Variants in DCC observed in about 807,000 individuals in gnomAD.
The protein encoded by DCC is DCC netrin 1 receptor.
In DCC, 58 loss-of-function variants were observed where a neutral mutation model predicts 172.5. The observed-to-expected ratio is 0.34, with a 90% CI of 0.27 to 0.42. DCC has a LOEUF of 0.42. DCC is among the 10% of genes least tolerant of loss of function. The pLI is 1.00. For missense variants in DCC, 1,740 were observed against 1,791.0 expected (o/e 0.97, Z 0.51); for synonymous variants, 709 against 644.5 (o/e 1.10, Z -1.52).
intron 1 of DCC, among the ~76,000 whole-genome samples, chr18:52,498,595 G>A (rs373933056): frequency 9.2e-5 from 14 of 152,230 alleles, no homozygotes; most frequent in Admixed American, 2.6e-4. Flanking sequence ...CTGCACTCCA[G>A]CCTGGGACAC....
rs553478013 is a variant in DCC, at chr18:52,490,347, G to GT, written c.91+149476dup. ...ATAGCCAGAAAGCAGGTAAGAAAGT[G>GT]TTTTTTTCTTTCTTATTCACTTGTT... On this transcript the variant is annotated intron_variant, in intron 1 of 28. Transcript: ENST00000442544. Among the ~76,000 whole-genome samples, 21 of 152,090 alleles carry GT rather than the reference G, an allele frequency of 1.4e-4. No individual in the cohort carries two copies. The East Asian group carries it at 2.7e-3, about 20-fold the overall frequency.
intron 23 of DCC, among the ~76,000 whole-genome samples, chr18:53,454,953 A>C (rs1180930091): frequency 6.6e-6 from 1 of 152,188 alleles, no homozygotes; most frequent in African/African-American, 2.4e-5. Flanking sequence ...CTGGGTTTCT[A>C]ATACAAATTT....
intron 14 of DCC, among the ~76,000 whole-genome samples, chr18:53,338,725 T>C (rs2057619286): frequency 6.6e-6 from 1 of 152,192 alleles, no homozygotes; most frequent in African/African-American, 2.4e-5. Context: ...AACATATTAA[T>C]TTTCAACACA....
intron 1 of DCC, among the ~76,000 whole-genome samples, chr18:52,647,020 C>T (rs934023349): frequency 6.6e-6 from 1 of 152,194 alleles, no homozygotes; most frequent in Non-Finnish European, 1.5e-5. Context: ...AGTCCTTTCA[C>T]TCAGGAAATT....
intron 1 of DCC, among the ~76,000 whole-genome samples, chr18:52,617,249 A>C (rs2034400421): frequency 6.6e-6 from 1 of 152,166 alleles, no homozygotes; most frequent in African/African-American, 2.4e-5. Flanking sequence ...ATTAAAAACA[A>C]AATAAAACTT....
rs557272562 is a variant in DCC at position 52,733,173 on chromosome 18, G to C, written c.92-18881G>C. On this transcript the variant is annotated intron_variant, in intron 1 of 28. Transcript: ENST00000442544. ...TGTGAGTTAGTTACTGAATGTGATG[G>C]AGAAGGGTTCTCTCCTGTGATCCTA... Among the ~76,000 whole-genome samples, 3 of 152,226 alleles carry C rather than the reference G, an allele frequency of 2.0e-5. No individual in the cohort carries two copies. In the South Asian group the frequency reaches 6.2e-4, roughly 32 times the overall value.
intron 7 of DCC, among the ~76,000 whole-genome samples, chr18:53,107,218 A>G (rs1250546744): frequency 6.6e-6 from 1 of 151,840 alleles, no homozygotes; most frequent in Non-Finnish European, 1.5e-5. Flanking sequence ...TAGAAGAAAA[A>G]GTCTAAGATT....
rs192453402 is a variant in DCC, at chr18:52,953,043, T to G, written c.985+27673T>G. On this transcript the variant is annotated intron_variant, in intron 5 of 28. Transcript: ENST00000442544. ...AAAAAAAAAAACTCATAACATTGCC[T>G]TTAATACCTCTCTAATATTCCTTAC... Among the ~76,000 whole-genome samples, 274 of 147,698 alleles carry G rather than the reference T, an allele frequency of 1.9e-3. 2 individuals carry two copies. The highest frequency in any genetic ancestry group is 6.7e-3 in the African/African-American group (270 of 40,418).
At chr18:53,282,043 A>G (rs2056878561) in intron 12 of DCC, among the ~76,000 whole-genome samples, 1 of 142,538 alleles carries the variant, frequency 7.0e-6, no homozygotes, top group Non-Finnish European at 1.5e-5. Flanking sequence ...AATACTGATA[A>G]CTTCCCAGGG....
chr18:52,913,377 C>T (rs952958963), intron 3 of DCC, among the ~76,000 whole-genome samples: 17 of 152,152 alleles, frequency 1.1e-4, no homozygotes, highest in East Asian at 9.7e-4. Context: ...GCTATTTGGA[C>T]GGACATCAAC....
intron 5 of DCC, among the ~76,000 whole-genome samples, chr18:53,049,329 A>G (rs2042302589): frequency 6.6e-6 from 1 of 152,096 alleles, no homozygotes; most frequent in African/African-American, 2.4e-5. Flanking sequence ...TTTAATATTT[A>G]AGTCTTTAAT....
intron 2 of DCC, among the ~76,000 whole-genome samples, chr18:52,796,324 T>C (rs1473415341): frequency 2.0e-5 from 3 of 152,134 alleles, no homozygotes; most frequent in Non-Finnish European, 2.9e-5. Context: ...TATTTTCTTA[T>C]GGTTTATCAT....
intron 5 of DCC, among the ~76,000 whole-genome samples, chr18:52,961,521 C>A (rs5002783): frequency 1.3e-5 from 2 of 152,128 alleles, no homozygotes; most frequent in African/African-American, 4.8e-5. Context: ...AGAGGGTATA[C>A]ACTTCCCTGA....
At chr18:53,294,234 T>TA (rs571046394) in intron 12 of DCC, among the ~76,000 whole-genome samples, 171 of 152,298 alleles carry the variant, frequency 1.1e-3, no homozygotes, top group African/African-American at 3.8e-3. Context: ...AATGATTTTT[T>TA]AAAAAATAAC....
At chr18:52,610,178 A>T (rs4940193) in intron 1 of DCC, among the ~76,000 whole-genome samples, 199 of 13,592 alleles carry the variant, frequency 0.015, 5 homozygotes, top group African/African-American at 0.025. Context: ...AAAAAAAAAA[A>T]ATATATATAT....
chr18:52,820,422 TA>T (rs1485220416), intron 2 of DCC, among the ~76,000 whole-genome samples: 4 of 151,908 alleles, frequency 2.6e-5, no homozygotes, highest in Admixed American at 2.0e-4. Context: ...TTTTTTTATT[TA>T]AAAAAGAAGA....
intron 27 of DCC, among the ~76,000 whole-genome samples, chr18:53,520,496 A>G (rs554608271): frequency 3.3e-4 from 50 of 152,242 alleles, no homozygotes; most frequent in Middle Eastern, 3.4e-3. Context: ...GATTAAAGGC[A>G]TGTCTCATAG....
chr18:53,157,454 G>A lies in DCC; in HGVS notation c.1360G>A (p.Glu454Lys). The change falls in exon 8 of 29, where the codon GAA (glutamate) becomes AAA (lysine). Residue 454 changes from glutamate to lysine, a missense_variant. Coordinates refer to ENST00000442544, the MANE Select transcript of DCC (RefSeq NM_005215.4). ...CCGTCTCAGCTGGCGCCCACCTGCA[G>A]AAGCGAAAGGGAACATTCAAACTTT... The part of the protein sequence containing the change: ...FVRLSWRPPA[E>K]AKGNIQTFTV... The A allele has an allele frequency of 6.2e-7, 1 of 1,614,170 alleles. No individual in the cohort carries two copies. The highest frequency in any genetic ancestry group is 8.5e-7 in the Non-Finnish European group (1 of 1,180,018).
chr18:52,893,972 C>T (rs1255868225), intron 2 of DCC, among the ~76,000 whole-genome samples: 1 of 152,122 alleles, frequency 6.6e-6, no homozygotes, highest in Non-Finnish European at 1.5e-5. Flanking sequence ...CTCACTGCTT[C>T]CCATTATTTA....
Sources: gnomAD v4.1 joint callset for allele counts (sites outside exome capture counted in the v4.1 genomes callset) on GRCh38, gnomAD v4.1.1 for gene constraint, MANE v1.5 for transcripts, NCBI Gene and HGNC (gene_info 2026-07-23, HGNC 2026-07-21) for gene names.